Variants in TRAK2 observed in about 807,000 individuals in gnomAD.
TRAK2 encodes trafficking kinesin protein 2.
A neutral mutation model predicts 104.6 loss-of-function variants in TRAK2; 81 were observed. The observed-to-expected ratio is 0.77, with a 90% CI of 0.65 to 0.93. The LOEUF is 0.93. TRAK2 is among the 40% of genes least tolerant of loss of function. The probability of loss-of-function intolerance (pLI) is 0.00; values close to 1 mark genes in which losing one functional copy is unlikely to be tolerated. For missense variants in TRAK2, 1,002 were observed against 1,089.0 expected (o/e 0.92, Z 1.12); for synonymous variants, 406 against 394.4 (o/e 1.03, Z -0.35).
In TRAK2 at chr2:201,394,809, G is replaced by A. The variant is rs1186825173; in HGVS notation, c.964C>T (p.Leu322=). ...AAAGATTTCATTACCTCCATTGTCA[G>A]TTGCCGTTGGGCATCTTTGGAAGCT... ...LQASKDAQRQ[L]TMELHELQDR... The change falls in exon 9 of 16, where the codon CTG becomes TTG. Residue 322 remains leucine, a synonymous_variant. Transcript: ENST00000332624. 4 of 1,613,808 alleles carry A rather than the reference G, an allele frequency of 2.5e-6. No individual in the cohort carries two copies. The highest frequency in any genetic ancestry group is 4.5e-5 in the East Asian group (2 of 44,848).
intron 1 of TRAK2, among the ~76,000 whole-genome samples, chr2:201,421,069 T>C (rs1390886533): frequency 2.0e-5 from 3 of 152,242 alleles, no homozygotes; most frequent in Non-Finnish European, 4.4e-5. Context: ...AATTGTACAC[T>C]TGAAATGTGT....
intron 1 of TRAK2, among the ~76,000 whole-genome samples, chr2:201,432,307 A>G (rs1951848657): frequency 6.6e-6 from 1 of 152,182 alleles, no homozygotes; most frequent in Non-Finnish European, 1.5e-5. Flanking sequence ...GGCAAACACA[A>G]ATGACACATT....
At position 201,384,201 on chromosome 2, in the gene TRAK2, GGGT is replaced by G; in HGVS notation, c.1976_1978del (p.Asn659_Pro660delinsThr). The G allele has an allele frequency of 1.2e-6, 2 of 1,612,680 alleles. No homozygotes were observed. The highest frequency in any genetic ancestry group is 2.2e-5 in the South Asian group (2 of 90,666). On this transcript the variant is annotated inframe_deletion, in exon 15 of 16. Transcript: ENST00000332624. Reference sequence around the variant, plus strand: ...GTTTGTGCACGACAGGCACTTTCCTGGGTTGGCGGTTGCAACTGAAATAGATTT... The same window carrying G: ...GTTTGTGCACGACAGGCACTTTCCTGTGGCGGTTGCAACTGAAATAGATTT...
rs571338958 is a variant in TRAK2 at position 201,399,515 on chromosome 2, C to T, written c.364-22G>A. ...CCCTCTGTTAAAATACCAAATACAC[C>T]TTTTCTTTGAGTATAAACAAGGTTA... On this transcript the variant is annotated intron_variant, in intron 4 of 15. Transcript: ENST00000332624. 230 of 1,579,082 alleles carry T rather than the reference C, an allele frequency of 1.5e-4. 3 individuals carry two copies. The South Asian group carries it at 2.4e-3, about 17-fold the overall frequency.
At chr2:201,435,894 C>T (rs1250473380) in intron 1 of TRAK2, among the ~76,000 whole-genome samples, 1 of 152,076 alleles carries the variant, frequency 6.6e-6, no homozygotes, top group Admixed American at 6.6e-5. Flanking sequence ...CACCAGAAAT[C>T]TGCAAAAATC....
Position 201,378,587 on chromosome 2 carries a change from T to A in TRAK2, c.*1956A>T, listed in dbSNP as rs1202073920. The stretch of plus-strand genomic sequence containing the variant: ...TCAAATGGTATTTTTTAAAAGTGAA[T>A]TGGAATATGCGGGAAATTTAAACAG... On this transcript the variant is annotated 3_prime_UTR_variant, in exon 16 of 16. Coordinates refer to ENST00000332624, the MANE Select transcript of TRAK2 (RefSeq NM_015049.3). 1.3e-5 allele frequency: 2 copies of A among 152,170 alleles called. No homozygotes were observed. The highest frequency in any genetic ancestry group is 2.9e-5 in the Non-Finnish European group (2 of 68,032). The allele number at this position is 152,170 out of a possible 1,614,324, so 9.4% of individuals were successfully genotyped here.
In TRAK2 at chr2:201,401,112, A is replaced by T; in HGVS notation, c.287-18T>A. ...GCCTAGAACTAATATAGTTAAAAAC[A>T]ACTATTTATAGGCTTTAGCAATAAT... is the stretch of plus-strand genomic sequence containing the variant. On this transcript the variant is annotated intron_variant, in intron 3 of 15. Coordinates refer to ENST00000332624, the MANE Select transcript of TRAK2 (RefSeq NM_015049.3). 6.4e-7 allele frequency: 1 copy of T among 1,558,416 alleles called. No homozygotes were observed. Among genetic ancestry groups the T allele is most frequent in the Non-Finnish European group, 8.8e-7 (1 of 1,139,248 alleles).
At chr2:201,421,183 T>A (rs568399925) in intron 1 of TRAK2, among the ~76,000 whole-genome samples, 1 of 152,146 alleles carries the variant, frequency 6.6e-6, no homozygotes, top group South Asian at 2.1e-4. Context: ...CTATAACATA[T>A]GTAGAAGTAG....
chr2:201,449,423 G>A (rs2125666148), intron 1 of TRAK2, among the ~76,000 whole-genome samples: 1 of 151,180 alleles, frequency 6.6e-6, no homozygotes, highest in Non-Finnish European at 1.5e-5. Context: ...GTGAGCTAAA[G>A]TATGAAGAGC....
chr2:201,437,817 A>G (rs1175386783), intron 1 of TRAK2, among the ~76,000 whole-genome samples: 1 of 152,156 alleles, frequency 6.6e-6, no homozygotes, highest in Admixed American at 6.5e-5. Context: ...TACTCTCAGC[A>G]TACCGGTCCT....
chr2:201,407,528 T>C lies in TRAK2; in HGVS notation c.161A>G (p.Tyr54Cys). 1 of 1,614,138 alleles carries C rather than the reference T, an allele frequency of 6.2e-7. No individual in the cohort carries two copies. Among genetic ancestry groups the C allele is most frequent in the Non-Finnish European group, 8.5e-7 (1 of 1,179,998 alleles). ...AAAGAGAGTGTCTACTTTTAGCCTA[T>C]ACTGTGGTAGTTGTTCTTCTAGCAG... is the stretch of plus-strand genomic sequence containing the variant. ...VSLLEEQLPQYRLKVDTLFLY... is the reference protein window; with the variant it reads ...VSLLEEQLPQCRLKVDTLFLY... The change falls in exon 3 of 16, where the codon TAT becomes TGT. Residue 54 changes from tyrosine (Y) to cysteine (C), a missense_variant. Coordinates refer to ENST00000332624, the MANE Select transcript of TRAK2 (RefSeq NM_015049.3).
At chr2:201,449,162 C>T (rs995489293) in intron 1 of TRAK2, among the ~76,000 whole-genome samples, 1 of 152,166 alleles carries the variant, frequency 6.6e-6, no homozygotes, top group Non-Finnish European at 1.5e-5. Flanking sequence ...TCAGTTTGTT[C>T]AAAAGTACTA....
Position 201,380,305 on chromosome 2 carries a change from T to C in TRAK2, c.*238A>G, listed in dbSNP as rs558224003. On this transcript the variant is annotated 3_prime_UTR_variant, in exon 16 of 16. Transcript: ENST00000332624. ...AAGAAAACTCAACTGAAGGAGTATA[T>C]TAAACCTTTCTTTTCTCCCTCTGAA... 307 of 556,856 alleles carry C rather than the reference T, an allele frequency of 5.5e-4. No individual in the cohort carries two copies. The highest frequency in any genetic ancestry group is 1.4e-3 in the African/African-American group (74 of 53,268). 34.5% of individuals were successfully genotyped at this position (556,856 alleles called of 1,614,324 possible). A position where few individuals can be genotyped will look rare whatever the true frequency, so the allele number is the denominator to read the frequency against.
chr2:201,409,312 T>C (rs1951623813), intron 2 of TRAK2, among the ~76,000 whole-genome samples: 1 of 151,996 alleles, frequency 6.6e-6, no homozygotes, highest in Non-Finnish European at 1.5e-5. Context: ...GTTTATTACA[T>C]TTGAAAAAAT....
intron 1 of TRAK2, among the ~76,000 whole-genome samples, chr2:201,432,308 A>T (rs899628552): frequency 1.3e-5 from 2 of 152,222 alleles, no homozygotes; most frequent in African/African-American, 4.8e-5. Context: ...GCAAACACAA[A>T]TGACACATTT....
At chr2:201,388,989 C>T (rs80028502) in intron 12 of TRAK2, among the ~76,000 whole-genome samples, 1 of 152,038 alleles carries the variant, frequency 6.6e-6, no homozygotes, top group Non-Finnish European at 1.5e-5. Context: ...ATCGACAGCA[C>T]CTCGATGGTC....
At chr2:201,410,875 A>G in intron 2 of TRAK2, 1 of 1,588,472 alleles carries the variant, frequency 6.3e-7, no homozygotes, top group East Asian at 2.2e-5. Context: ...AGGAACATTC[A>G]AAGCACTGAA....
chr2:201,450,260 C>A (rs1223543125), intron 1 of TRAK2, among the ~76,000 whole-genome samples: 2 of 151,786 alleles, frequency 1.3e-5, no homozygotes, highest in Non-Finnish European at 2.9e-5. Flanking sequence ...ACTAAAAACA[C>A]AAAAATTAGC....
At chr2:201,391,631 A>C (rs745475043) in intron 10 of TRAK2, among the ~76,000 whole-genome samples, 1 of 152,198 alleles carries the variant, frequency 6.6e-6, no homozygotes, top group Non-Finnish European at 1.5e-5. Flanking sequence ...TTAACTGTTA[A>C]TTACCGTTAA....
Sources: gnomAD v4.1 joint callset for allele counts (sites outside exome capture counted in the v4.1 genomes callset) on GRCh38, gnomAD v4.1.1 for gene constraint, MANE v1.5 for transcripts, NCBI Gene and HGNC (gene_info 2026-07-23, HGNC 2026-07-21) for gene names.